The following CYFIP2 variants were observed in gnomAD, a reference collection of about 807,000 sequenced individuals.
CYFIP2 encodes the protein cytoplasmic FMR1-interacting protein 2.
Under a neutral mutation model 158.7 loss-of-function variants are expected in CYFIP2, and 29 were observed. The ratio of observed to expected loss-of-function variants is 0.18; its 90% confidence interval spans 0.14 to 0.25. The LOEUF is 0.25. Among genes scored for constraint, CYFIP2 ranks in the 10% least tolerant of loss-of-function variants. The pLI is 1.00. For missense variants in CYFIP2, 852 were observed against 1,639.5 expected, an observed-to-expected ratio of 0.52 and a Z score of 8.29; for synonymous variants, 585 against 617.6, an observed-to-expected ratio of 0.95 and a Z score of 0.78.
rs368382010 is a variant in CYFIP2, at chr5:157,339,285, G to C, written c.2585+29G>C. On this transcript the variant is annotated intron_variant, in intron 22 of 30. Transcript: ENST00000620254. ...AGGGAGTCCCTGTGCAGAGGGGGCC[G>C]GGTGGGGGTTGGGGGAGTGGCCAGC... is the stretch of plus-strand genomic sequence containing the variant. The C allele has an allele frequency of 6.3e-6, 10 of 1,596,284 alleles. No homozygotes were observed. In the African/African-American group the frequency reaches 9.4e-5, roughly 15 times the overall value.
chr5:157,390,401 G>A, intron 29 of CYFIP2, 120 bp from the exon 30 acceptor site: 1 of 917,132 alleles, frequency 1.1e-6, no homozygotes, highest in Non-Finnish European at 1.6e-6. Flanking sequence ...TAGGTTAAGA[G>A]ACTTGGCCCA....
At chr5:157,386,511 A>G (rs1332828207) in intron 28 of CYFIP2, among the ~76,000 whole-genome samples, 1 of 152,216 alleles carries the variant, frequency 6.6e-6, no homozygotes, top group African/African-American at 2.4e-5. Context: ...TTTCCTTGAG[A>G]ATAGTTTGCC....
Position 157,394,058 on chromosome 5 carries a change from G to A in CYFIP2, c.*1058G>A, listed in dbSNP as rs1426533457. On this transcript the variant is annotated 3_prime_UTR_variant, in exon 31 of 31. Transcript: ENST00000620254. Reference sequence around the variant, plus strand: ...CCCCCAAAGAAGAGTCCTCTTTTAGGGAATCAGAACCTTCATTGTCCTAGA... The same window carrying A: ...CCCCCAAAGAAGAGTCCTCTTTTAGAGAATCAGAACCTTCATTGTCCTAGA... 1 of 152,112 alleles carries A rather than the reference G, an allele frequency of 6.6e-6. No individual in the cohort carries two copies. The highest frequency in any genetic ancestry group is 2.4e-5 in the African/African-American group (1 of 41,398). 9.4% of individuals were successfully genotyped at this position (152,112 alleles called of 1,614,324 possible). A position where few individuals can be genotyped will look rare whatever the true frequency, so the allele number is the denominator to read the frequency against.
intron 18 of CYFIP2, among the ~76,000 whole-genome samples, chr5:157,327,586 T>C (rs967791634): frequency 1.3e-5 from 2 of 150,166 alleles, no homozygotes; most frequent in African/African-American, 4.9e-5. Context: ...AAATTGCAAA[T>C]CAAAGAAAAA....
At chr5:157,352,273 G>A (rs1050712589) in intron 23 of CYFIP2, among the ~76,000 whole-genome samples, 5 of 152,170 alleles carry the variant, frequency 3.3e-5, no homozygotes, top group African/African-American at 1.2e-4. Context: ...TCAGGCAAAT[G>A]CATCATACCG....
At chr5:157,374,697 G>A (rs1037199110) in intron 26 of CYFIP2, among the ~76,000 whole-genome samples, 1 of 152,174 alleles carries the variant, frequency 6.6e-6, no homozygotes, top group African/African-American at 2.4e-5. Flanking sequence ...GCAAAGCCCA[G>A]GACACTAACT....
rs1014896165 is a variant in CYFIP2, at chr5:157,290,845, G to T, written c.207+3737G>T. On this transcript the variant is annotated intron_variant, in intron 3 of 30. Transcript: ENST00000620254. ...TGTCTCCTGTCCCCACTTGGGCAAG[G>T]TGAATCTCTCAAAGGACAGGATAGC... Among the ~76,000 whole-genome samples the T allele has an allele frequency of 3.3e-5, 5 of 152,206 alleles. No homozygotes were observed. The East Asian group carries it at 9.6e-4, about 29-fold the overall frequency.
At chr5:157,287,424 G>A (rs943550839) in intron 3 of CYFIP2, among the ~76,000 whole-genome samples, 1 of 152,206 alleles carries the variant, frequency 6.6e-6, no homozygotes. Flanking sequence ...TTGTTTATAG[G>A]TTAATGAATG....
At position 157,317,644 on chromosome 5, in the gene CYFIP2, A is replaced by C. The variant is rs542012588; in HGVS notation, c.1357-2118A>C. Among the ~76,000 whole-genome samples, 301 of 152,338 alleles carry C rather than the reference A, an allele frequency of 2.0e-3. 1 individual carries two copies. The highest frequency in any genetic ancestry group is 2.1e-3 in the Non-Finnish European group (140 of 68,026). On this transcript the variant is annotated intron_variant, in intron 13 of 30. Coordinates refer to ENST00000620254, the MANE Select transcript of CYFIP2 (RefSeq NM_001037333.3). Reference sequence around the variant, plus strand: ...GGTTACCTTATTATTATTATAACCAAGTAACTGTTGTCCATCACTGAGCCA... The same window carrying C: ...GGTTACCTTATTATTATTATAACCACGTAACTGTTGTCCATCACTGAGCCA...
chr5:157,395,532 A>G lies in CYFIP2; in HGVS notation c.*2532A>G, dbSNP rs761602480. ...ATATTTTGATTTGTATTTTGGGGGT[A>G]CCTGTGTTGAGTTGATAAACATTTC... is the stretch of plus-strand genomic sequence containing the variant. On this transcript the variant is annotated 3_prime_UTR_variant, in exon 31 of 31. Transcript: ENST00000620254. The G allele has an allele frequency of 1.5e-5, 13 of 863,360 alleles. No individual in the cohort carries two copies. In the South Asian group the frequency reaches 1.5e-4, roughly 10 times the overall value. The allele number at this position is 863,360 out of a possible 1,614,324, so 53.5% of individuals were successfully genotyped here. A position where few individuals can be genotyped will look rare whatever the true frequency, so the allele number is the denominator to read the frequency against.
intron 20 of CYFIP2, among the ~76,000 whole-genome samples, chr5:157,332,975 T>C (rs529584974): frequency 1.3e-5 from 2 of 152,200 alleles, no homozygotes; most frequent in East Asian, 3.9e-4. Flanking sequence ...TGCAGACTGT[T>C]TAAAGGGTAG....
intron 13 of CYFIP2, among the ~76,000 whole-genome samples, chr5:157,318,947 C>T (rs1217723461): frequency 6.6e-6 from 1 of 152,184 alleles, no homozygotes; most frequent in African/African-American, 2.4e-5. Flanking sequence ...AAGGCCACAC[C>T]AGTGTTCCTA....
At chr5:157,296,882 A>G in intron 5 of CYFIP2, 108 bp downstream of exon 5, 1 of 859,610 alleles carries the variant, frequency 1.2e-6, no homozygotes, top group Non-Finnish European at 1.8e-6. Flanking sequence ...CTAAGCAAAT[A>G]TTTTTTGACT....
At chr5:157,333,206 C>G (rs13181919) in intron 20 of CYFIP2, 121 bp from the exon 21 acceptor site, 261,325 of 1,297,446 alleles carry the variant, frequency 0.2, 28,622 homozygotes, top group Middle Eastern at 0.26. Flanking sequence ...CCAGGAAACC[C>G]CTCCCACCTG....
rs369611074 is a variant in CYFIP2 at position 157,389,375 on chromosome 5, G to T, written c.3394G>T (p.Ala1132Ser). The T allele has an allele frequency of 6.2e-7, 1 of 1,612,930 alleles. No individual in the cohort carries two copies. The highest frequency in any genetic ancestry group is 8.5e-7 in the Non-Finnish European group (1 of 1,179,330). The change falls in exon 29 of 31, where the codon GCC (alanine) becomes TCC (serine). Residue 1132 changes from alanine to serine, a missense_variant. This residue lies in a region of CYFIP2 where 223 missense variants were observed against 381.6 expected (regional missense o/e 0.58). Coordinates refer to ENST00000620254, the MANE Select transcript of CYFIP2 (RefSeq NM_001037333.3). ...ECVEFHRLWS[A>S]MQFVYCIPVG... ...TGTGGAGTTCCACCGGCTGTGGAGC[G>T]CCATGCAGTTCGTGTACTGCATCCC...
chr5:157,344,949 T>C (rs932019817), intron 23 of CYFIP2, among the ~76,000 whole-genome samples: 7 of 152,232 alleles, frequency 4.6e-5, no homozygotes, highest in African/African-American at 1.4e-4. Flanking sequence ...ATCCTTGTTT[T>C]TCTTCTGTAA....
chr5:157,293,940 A>G (rs774112062), intron 3 of CYFIP2, among the ~76,000 whole-genome samples: 6 of 152,116 alleles, frequency 3.9e-5, no homozygotes, highest in Non-Finnish European at 7.4e-5. Context: ...CTGAGGCTGC[A>G]TCTGGGTGGG....
intron 1 of CYFIP2, among the ~76,000 whole-genome samples, chr5:157,279,869 G>T (rs148662824): frequency 1.3e-5 from 2 of 152,178 alleles, no homozygotes; most frequent in African/African-American, 4.8e-5. Context: ...AAAGAAGTAC[G>T]TTCTTATTTT....
chr5:157,276,572 A>G (rs1561682317), intron 1 of CYFIP2, among the ~76,000 whole-genome samples: 1 of 152,174 alleles, frequency 6.6e-6, no homozygotes, highest in Admixed American at 6.5e-5. Context: ...CAGCCAAGCC[A>G]TTTACATGGA....
Sources: gnomAD v4.1 joint callset for allele counts (sites outside exome capture counted in the v4.1 genomes callset) on GRCh38, gnomAD v4.1.1 for gene constraint, gnomAD v4.1.1 regional missense constraint, MANE v1.5 for transcripts, NCBI Gene and HGNC (gene_info 2026-07-23, HGNC 2026-07-21) for gene names.